The following CIITA variants were observed in gnomAD, a reference collection of about 807,000 sequenced individuals.
CIITA encodes MHC class II transactivator.
A neutral mutation model predicts 115.1 loss-of-function variants in CIITA; 72 were observed. That is an observed-to-expected ratio of 0.63 (90% CI 0.52 to 0.76). The LOEUF is 0.76. CIITA is among the 30% of genes least tolerant of loss of function. The pLI is 0.00. For missense variants in CIITA, 1,617 were observed against 1,463.8 expected (o/e 1.10, Z -1.71); for synonymous variants, 763 against 635.6 (o/e 1.20, Z -3.02).
chr16:10,883,709 A>T lies in CIITA; in HGVS notation c.52+6327A>T, dbSNP rs59651835. On this transcript the variant is annotated intron_variant, in intron 1 of 19. Transcript: ENST00000324288. ...CAGATTGTCTGGGAAGCCAAGTAGG[A>T]GATGGAGATTTGCATATAGGAGGTT... Among the ~76,000 whole-genome samples, 6 of 152,312 alleles carry T rather than the reference A, an allele frequency of 3.9e-5. No homozygotes were observed. In the East Asian group the frequency reaches 1.2e-3, roughly 29 times the overall value.
rs1567462131 is a variant in CIITA at position 10,931,721 on chromosome 16, C to A, written c.*7866C>A. The A allele has an allele frequency of 6.6e-6, 1 of 152,088 alleles. No individual in the cohort carries two copies. Among genetic ancestry groups the A allele is most frequent in the Non-Finnish European group, 1.5e-5 (1 of 68,028 alleles). 9.4% of individuals were successfully genotyped at this position (152,088 alleles called of 1,614,324 possible). ...GGCGAAACCGCGTCTCTACTAAAAA[C>A]AAACAAACAAAAATACAAAATTCGC... On this transcript the variant is annotated 3_prime_UTR_variant, in exon 20 of 20. Coordinates refer to ENST00000324288, the MANE Select transcript of CIITA (RefSeq NM_000246.4).
intron 13 of CIITA, among the ~76,000 whole-genome samples, chr16:10,914,137 T>G (rs151198668): frequency 1.3e-5 from 2 of 152,284 alleles, no homozygotes; most frequent in Non-Finnish European, 2.9e-5. Flanking sequence ...TTCGTCTGTT[T>G]GGCCCACAAC....
chr16:10,911,678 C>A (rs2039594633), intron 13 of CIITA, among the ~76,000 whole-genome samples: 1 of 152,074 alleles, frequency 6.6e-6, no homozygotes, highest in Non-Finnish European at 1.5e-5. Flanking sequence ...ACCTCAGCCT[C>A]CCTAGTAGCT....
intron 1 of CIITA, among the ~76,000 whole-genome samples, chr16:10,871,202 C>A (rs963093619): frequency 8.5e-5 from 13 of 152,182 alleles, no homozygotes; most frequent in African/African-American, 2.7e-4. Context: ...TCAGGGACAC[C>A]ATTCAGTGTA....
rs2036152675 is a variant in CIITA, at chr16:10,879,200, TC to T, written c.52+1822del. Among the ~76,000 whole-genome samples the T allele has an allele frequency of 6.6e-6, 1 of 152,066 alleles. No homozygotes were observed. The highest frequency in any genetic ancestry group is 1.5e-5 in the Non-Finnish European group (1 of 68,022). ...GCCGGGAAACACCTCGTTTCCAGCA[TC>T]CCCGCAACGACTCTGCGCGGGAACC... On this transcript the variant is annotated intron_variant, in intron 1 of 19. Coordinates refer to ENST00000324288, the MANE Select transcript of CIITA (RefSeq NM_000246.4). This position sits in a 1 kb window ranked among gnomAD's most constrained non-coding sequence, Gnocchi z 4.3.
At chr16:10,883,214 C>G (rs1020979289) in intron 1 of CIITA, among the ~76,000 whole-genome samples, 4 of 152,194 alleles carry the variant, frequency 2.6e-5, no homozygotes, top group East Asian at 1.9e-4. Flanking sequence ...CACTCCACCC[C>G]CTACCCCAGC....
At chr16:10,872,765 T>G (rs1314901151), upstream of CIITA, among the ~76,000 whole-genome samples, 1 of 152,210 alleles carries the variant, frequency 6.6e-6, no homozygotes, top group East Asian at 1.9e-4. Flanking sequence ...TTCCTTCTCC[T>G]GAATCATTTA....
rs1433662262 is a variant in CIITA at position 10,935,006 on chromosome 16, GAC to G, written c.*11154_*11155del. On this transcript the variant is annotated 3_prime_UTR_variant, in exon 20 of 20. Coordinates refer to ENST00000324288, the MANE Select transcript of CIITA (RefSeq NM_000246.4). ...CCCCTTCAGGGTCTGACACGCCATT[GAC>G]ACTGACCACGTCATTCATTAAGCAA... 1.3e-5 allele frequency: 2 copies of G among 152,300 alleles called. No homozygotes were observed. The highest frequency in any genetic ancestry group is 4.8e-5 in the African/African-American group (2 of 41,470). 9.4% of individuals were successfully genotyped at this position (152,300 alleles called of 1,614,324 possible).
At chr16:10,883,092 G>T (rs1410570549) in intron 1 of CIITA, among the ~76,000 whole-genome samples, 2 of 152,104 alleles carry the variant, frequency 1.3e-5, no homozygotes, top group Non-Finnish European at 2.9e-5. Context: ...TCATCTTGGG[G>T]TCTCCAGCAC....
At chr16:10,887,181 C>A (rs915305135) in intron 1 of CIITA, among the ~76,000 whole-genome samples, 2 of 152,174 alleles carry the variant, frequency 1.3e-5, no homozygotes, top group African/African-American at 4.8e-5. Flanking sequence ...AGGCCCCTGG[C>A]TTCCCAACAC....
Position 10,929,393 on chromosome 16 carries a change from C to T in CIITA, c.*5538C>T, listed in dbSNP as rs190916651. ...TAATCAGAAGCCAAGGCCAGGCCAT[C>T]GATTTGACACTGCAGGCAGATGAGG... On this transcript the variant is annotated 3_prime_UTR_variant, in exon 20 of 20. Coordinates refer to ENST00000324288, the MANE Select transcript of CIITA (RefSeq NM_000246.4). The surrounding 1 kb of genome is among the most constrained non-coding windows in gnomAD (Gnocchi z 4.3). 2 of 985,882 alleles carry T rather than the reference C, an allele frequency of 2.0e-6. No individual in the cohort carries two copies. The highest frequency in any genetic ancestry group is 1.1e-4 in the East Asian group (1 of 8,814). 61.1% of individuals were successfully genotyped at this position (985,882 alleles called of 1,614,324 possible). A position where few individuals can be genotyped will look rare whatever the true frequency, so the allele number is the denominator to read the frequency against.
In CIITA at chr16:10,941,781, G is replaced by T. The variant is rs755249811; in HGVS notation, n.907G>T. On this transcript the variant is annotated non_coding_transcript_exon_variant, in exon 2 of 2. Coordinates refer to the CIITA transcript ENST00000573379. This position sits in a 1 kb window ranked among gnomAD's most constrained non-coding sequence, Gnocchi z 6.4. ...CAGCATCGTAAAGGCCCGAGCCGGGGTCGGAGAGCACGCCGAGGTCCACGA... is the reference window on the plus strand; with the variant it reads ...CAGCATCGTAAAGGCCCGAGCCGGGTTCGGAGAGCACGCCGAGGTCCACGA... 1.2e-6 allele frequency: 2 copies of T among 1,613,620 alleles called. No homozygotes were observed. The highest frequency in any genetic ancestry group is 1.7e-6 in the Non-Finnish European group (2 of 1,179,854).
Position 10,923,515 on chromosome 16 carries a change from G to A in CIITA, c.*22+190G>A, listed in dbSNP as rs1054200416. ...TGGAGCTGTCCTCCAGGCTTTGCGA[G>A]CTTGGTCCCTGTGGTCAGGCTTAGA... On this transcript the variant is annotated intron_variant, in intron 19 of 19. Transcript: ENST00000324288. The surrounding 1 kb of genome is among the most constrained non-coding windows in gnomAD (Gnocchi z 5.2). Among the ~76,000 whole-genome samples, 3 of 152,158 alleles carry A rather than the reference G, an allele frequency of 2.0e-5. No homozygotes were observed. The highest frequency in any genetic ancestry group is 6.5e-5 in the Admixed American group (1 of 15,278).
chr16:10,915,755 T>C, intron 14 of CIITA, 105 bp downstream of exon 14: 1 of 1,026,456 alleles, frequency 9.7e-7, no homozygotes, highest in Non-Finnish European at 1.5e-6. Context: ...TCCTCCTGCC[T>C]CAGCCTCCTG....
intron 1 of CIITA, among the ~76,000 whole-genome samples, chr16:10,881,225 A>G (rs1387363431): frequency 6.6e-6 from 1 of 152,012 alleles, no homozygotes; most frequent in East Asian, 1.9e-4. Context: ...TTTACCCGAG[A>G]GGTGGAGGTT....
At chr16:10,917,771 C>T (rs755401182) in intron 15 of CIITA, among the ~76,000 whole-genome samples, 11 of 152,208 alleles carry the variant, frequency 7.2e-5, no homozygotes, top group Admixed American at 1.3e-4. Flanking sequence ...TGAGCCACCA[C>T]GCCCAGTTCA....
In CIITA at chr16:10,930,494, C is replaced by T. The variant is rs1308516515; in HGVS notation, c.*6639C>T. ...CGACCTAAGGGGGCGGAACTGTTTCCATTGAGACCCATGCATCGTATAGGA... is the reference window on the plus strand; with the variant it reads ...CGACCTAAGGGGGCGGAACTGTTTCTATTGAGACCCATGCATCGTATAGGA... On this transcript the variant is annotated 3_prime_UTR_variant, in exon 20 of 20. Transcript: ENST00000324288. 1.3e-5 allele frequency: 2 copies of T among 152,148 alleles called. No individual in the cohort carries two copies. Among genetic ancestry groups the T allele is most frequent in the Admixed American group, 6.5e-5 (1 of 15,274 alleles). The allele number at this position is 152,148 out of a possible 1,614,324, so 9.4% of individuals were successfully genotyped here.
intron 1 of CIITA, among the ~76,000 whole-genome samples, chr16:10,891,758 G>A (rs1273009081): frequency 6.6e-6 from 1 of 152,212 alleles, no homozygotes; most frequent in Non-Finnish European, 1.5e-5. Context: ...GAGAGGTGGA[G>A]CATCTCACCC....
At chr16:10,867,677 C>G (rs2035182874) in intron 1 of CIITA, among the ~76,000 whole-genome samples, 2 of 152,200 alleles carry the variant, frequency 1.3e-5, no homozygotes, top group Non-Finnish European at 2.9e-5. Flanking sequence ...TGTCCTCTTT[C>G]CACTCACATC....
Sources: gnomAD v4.1 joint callset for allele counts (sites outside exome capture counted in the v4.1 genomes callset) on GRCh38, gnomAD v4.1.1 for gene constraint, Gnocchi (gnomAD v3.1) non-coding constraint, MANE v1.5 for transcripts, NCBI Gene and HGNC (gene_info 2026-07-23, HGNC 2026-07-21) for gene names.